The following SKAP2 variants were observed in gnomAD, a reference collection of about 807,000 sequenced individuals.
SKAP2 encodes src kinase-associated phosphoprotein 2.
A neutral mutation model predicts 54.9 loss-of-function variants in SKAP2; 28 were observed. The observed-to-expected ratio is 0.51, with a 90% CI of 0.38 to 0.70. The LOEUF (loss-of-function observed/expected upper bound fraction) is 0.70, where lower values mean the gene tolerates loss of function less well. SKAP2 is among the 30% of genes least tolerant of loss of function. The pLI is 0.00. For missense variants in SKAP2, 356 were observed against 424.1 expected, an observed-to-expected ratio of 0.84 and a Z score of 1.41; for synonymous variants, 137 against 134.3, an observed-to-expected ratio of 1.02 and a Z score of -0.14.
intron 11 of SKAP2, among the ~76,000 whole-genome samples, chr7:26,676,546 G>A (rs1488006389): frequency 6.6e-6 from 1 of 152,018 alleles, no homozygotes; most frequent in Non-Finnish European, 1.5e-5. Flanking sequence ...TAAAGTGAAG[G>A]GCTAGCACTA....
chr7:26,761,510 T>C (rs1469977351), intron 4 of SKAP2, among the ~76,000 whole-genome samples: 1 of 152,196 alleles, frequency 6.6e-6, no homozygotes, highest in East Asian at 1.9e-4. Flanking sequence ...AAGAGAATTA[T>C]ATATATCACC....
At chr7:26,782,298 T>A (rs1318242627) in intron 4 of SKAP2, among the ~76,000 whole-genome samples, 1 of 152,212 alleles carries the variant, frequency 6.6e-6, no homozygotes, top group Non-Finnish European at 1.5e-5. Flanking sequence ...AAAAGCCTGA[T>A]TTACCAGAAT....
At chr7:26,755,702 G>A (rs1418732603) in intron 4 of SKAP2, among the ~76,000 whole-genome samples, 2 of 152,148 alleles carry the variant, frequency 1.3e-5, no homozygotes, top group African/African-American at 4.8e-5. Context: ...CACAGGAAGT[G>A]TTTGTTAAAT....
At chr7:26,743,103 C>T (rs981776816) in intron 4 of SKAP2, among the ~76,000 whole-genome samples, 8 of 152,092 alleles carry the variant, frequency 5.3e-5, no homozygotes, top group African/African-American at 9.7e-5. Context: ...TGCCATACAC[C>T]GCAATTACGT....
At position 26,699,624 on chromosome 7, in the gene SKAP2, CA is replaced by C. The variant is rs925765067; in HGVS notation, c.797-9263del. Among the ~76,000 whole-genome samples, 282 of 151,252 alleles carry C rather than the reference CA, an allele frequency of 1.9e-3. 2 individuals are homozygous for C. The highest frequency in any genetic ancestry group is 6.5e-3 in the African/African-American group (267 of 41,298). ...TAATCTAATAAAATTTAAAACAAAC[CA>C]AAAAAATCTACATTGAGATGAAATA... On this transcript the variant is annotated intron_variant, in intron 9 of 12. Transcript: ENST00000345317.
intron 4 of SKAP2, among the ~76,000 whole-genome samples, chr7:26,747,186 T>C (rs746931035): frequency 1.2e-4 from 19 of 152,202 alleles, no homozygotes; most frequent in Non-Finnish European, 2.4e-4. Flanking sequence ...ATCGTAGCAC[T>C]ATTACTTTCT....
intron 4 of SKAP2, among the ~76,000 whole-genome samples, chr7:26,779,545 C>T (rs1270333699): frequency 6.6e-6 from 1 of 152,022 alleles, no homozygotes; most frequent in Non-Finnish European, 1.5e-5. Flanking sequence ...TCAAAATTGA[C>T]AACCACATGA....
the SKAP2 span, among the ~76,000 whole-genome samples, chr7:26,656,258 T>C: frequency 1.3e-5 from 2 of 152,208 alleles, no homozygotes; most frequent in African/African-American, 4.8e-5. Flanking sequence ...ACTAATTAAA[T>C]GGCTTCCCAC....
At chr7:26,841,675 G>C (rs1047613831) in intron 4 of SKAP2, among the ~76,000 whole-genome samples, 20 of 152,118 alleles carry the variant, frequency 1.3e-4, no homozygotes, top group African/African-American at 4.3e-4. Context: ...CAGAGGAATA[G>C]AGAAAAATAA....
At chr7:26,819,532 C>T (rs572848306) in intron 4 of SKAP2, among the ~76,000 whole-genome samples, 3 of 150,572 alleles carry the variant, frequency 2.0e-5, no homozygotes, top group African/African-American at 7.3e-5. Context: ...AACAAAGCTG[C>T]GCATTCTGCA....
chr7:26,717,462 A>G (rs1372590713), intron 9 of SKAP2, among the ~76,000 whole-genome samples: 1 of 143,512 alleles, frequency 7.0e-6, no homozygotes. Context: ...GTGAGCCAAG[A>G]TCACATCATT....
intron 4 of SKAP2, among the ~76,000 whole-genome samples, chr7:26,833,503 G>GA (rs1222312749): frequency 2.6e-5 from 4 of 151,782 alleles, no homozygotes; most frequent in Non-Finnish European, 5.9e-5. Flanking sequence ...CATACAAAGG[G>GA]TCAAAATAAA....
In SKAP2 at chr7:26,854,870, C is replaced by A; in HGVS notation, c.88G>T (p.Asp30Tyr). 6.3e-7 allele frequency: 1 copy of A among 1,594,990 alleles called. No homozygotes were observed. Among genetic ancestry groups the A allele is most frequent in the Non-Finnish European group, 8.6e-7 (1 of 1,167,628 alleles). The change falls in exon 2 of 13, where the codon GAT (aspartate) becomes TAT (tyrosine). Residue 30 changes from aspartate to tyrosine, a missense_variant. Asp to Tyr is a radical substitution (Grantham distance 160). Transcript: ENST00000345317. ...GATAAATTTTCTCCTTTCAGTATATCTGCTACAAATGTTTCAACATCTAAA... is the reference window on the plus strand; with the variant it reads ...GATAAATTTTCTCCTTTCAGTATATATGCTACAAATGTTTCAACATCTAAA... The part of the protein sequence containing the change: ...LLADVETFVA[D>Y]ILKGENLSKK...
chr7:26,864,055 T>TCACACACTCACACACTCACACACACACA (rs1554310124), intron 1 of SKAP2, among the ~76,000 whole-genome samples: 1 of 143,332 alleles, frequency 7.0e-6, no homozygotes, highest in African/African-American at 2.6e-5. Flanking sequence ...CGCCCTTCTG[T>TCACACACTCACACACTCACACACACACA]CACACACACA....
rs182035333 is a variant in SKAP2 at position 26,813,746 on chromosome 7, A to G, written c.307+30284T>C. 7.9e-5 allele frequency among the ~76,000 whole-genome samples: 12 copies of G among 152,330 alleles called. No individual in the cohort carries two copies. The East Asian group carries it at 2.3e-3, about 29-fold the overall frequency. On this transcript the variant is annotated intron_variant, in intron 4 of 12. Coordinates refer to ENST00000345317, the MANE Select transcript of SKAP2 (RefSeq NM_003930.5). The stretch of plus-strand genomic sequence containing the variant: ...CAGTGTATTCCATCAACCAATGGCA[A>G]TAGCAGCATGCTACAGCTCAGGCTA...
At chr7:26,812,467 G>T (rs560893544) in intron 4 of SKAP2, among the ~76,000 whole-genome samples, 1 of 151,432 alleles carries the variant, frequency 6.6e-6, no homozygotes, top group African/African-American at 2.4e-5. Context: ...AACCTTAGGA[G>T]ACAAAAATAC....
At chr7:26,802,675 G>C (rs1263454626) in intron 4 of SKAP2, among the ~76,000 whole-genome samples, 1 of 152,114 alleles carries the variant, frequency 6.6e-6, no homozygotes, top group East Asian at 2.0e-4. Context: ...GAGGTCAAGA[G>C]ATTGAGACCA....
At chr7:26,833,280 C>T (rs928683011) in intron 4 of SKAP2, among the ~76,000 whole-genome samples, 7 of 151,784 alleles carry the variant, frequency 4.6e-5, no homozygotes, top group Admixed American at 3.3e-4. Context: ...CCTGTAGTCC[C>T]AGCTACTCAG....
intron 4 of SKAP2, among the ~76,000 whole-genome samples, chr7:26,740,709 G>A (rs1324318585): frequency 1.3e-5 from 2 of 152,084 alleles, no homozygotes; most frequent in Non-Finnish European, 2.9e-5. Context: ...TTATCTGCCG[G>A]GCGCAGTGGC....
Sources: gnomAD v4.1 joint callset for allele counts (sites outside exome capture counted in the v4.1 genomes callset) on GRCh38, gnomAD v4.1.1 for gene constraint, MANE v1.5 for transcripts, NCBI Gene and HGNC (gene_info 2026-07-23, HGNC 2026-07-21) for gene names.